The following CPNE4 variants were observed in gnomAD, a reference collection of about 807,000 sequenced individuals.
The protein encoded by CPNE4 is copine 4, also known as copine-4.
CPNE4 carries 25 observed loss-of-function variants against 67.9 expected under a neutral mutation model. That is an observed-to-expected ratio of 0.37 (90% CI 0.27 to 0.51). The LOEUF is 0.51. Among genes scored for constraint, CPNE4 ranks in the 20% least tolerant of loss-of-function variants. CPNE4 has a pLI of 0.93. For synonymous variants in CPNE4, 242 were observed against 244.9 expected (o/e 0.99, Z 0.11); for missense variants, 464 against 690.8 (o/e 0.67, Z 3.68).
intron 11 of CPNE4, among the ~76,000 whole-genome samples, chr3:131,560,638 C>A (rs1936710329): frequency 6.6e-6 from 1 of 152,106 alleles, no homozygotes; most frequent in Admixed American, 6.5e-5. Flanking sequence ...AGATTGTGGG[C>A]TACTTGGGGA....
intron 2 of CPNE4, among the ~76,000 whole-genome samples, chr3:131,855,316 C>T (rs1221246942): frequency 6.6e-6 from 1 of 151,914 alleles, no homozygotes. Context: ...AATCTCTTAT[C>T]ACTGCAGTAG....
At chr3:131,998,335 C>T (rs1334271711) in intron 1 of CPNE4, among the ~76,000 whole-genome samples, 1 of 152,096 alleles carries the variant, frequency 6.6e-6, no homozygotes, top group Non-Finnish European at 1.5e-5. Context: ...CTTCCTTCAA[C>T]CTTACCTCCT....
At position 131,821,173 on chromosome 3, in the gene CPNE4, C is replaced by T. The variant is rs188542336; in HGVS notation, c.180+84091G>A. Among the ~76,000 whole-genome samples the T allele has an allele frequency of 9.3e-4, 142 of 152,274 alleles. 1 individual carries two copies. The highest frequency in any genetic ancestry group is 3.2e-3 in the African/African-American group (135 of 41,542). On this transcript the variant is annotated intron_variant, in intron 2 of 15. Coordinates refer to ENST00000429747, the MANE Select transcript of CPNE4 (RefSeq NM_130808.3). ...TAAGAATTCTCCACTGATAATCCAA[C>T]GTTTTCATTGATAAAGAGTAATGTA...
chr3:131,573,705 C>G (rs1021039738), intron 10 of CPNE4, among the ~76,000 whole-genome samples: 5 of 152,058 alleles, frequency 3.3e-5, no homozygotes, highest in African/African-American at 9.7e-5. Context: ...TGCTTGCTTC[C>G]ATACTTCCAT....
intron 2 of CPNE4, among the ~76,000 whole-genome samples, chr3:131,879,526 T>G (rs9843570): frequency 0.63 from 96,201 of 151,794 alleles, 30,707 homozygotes; most frequent in Admixed American, 0.72. Context: ...TCAGAAACTG[T>G]CCCCCACCCC....
chr3:131,734,366 C>T (rs900658258), intron 2 of CPNE4, among the ~76,000 whole-genome samples: 1 of 152,096 alleles, frequency 6.6e-6, no homozygotes, highest in Non-Finnish European at 1.5e-5. Flanking sequence ...ATAGGAATGG[C>T]AGTGGGTTTC....
chr3:131,918,990 G>A (rs1173793531), intron 1 of CPNE4, among the ~76,000 whole-genome samples: 1 of 152,122 alleles, frequency 6.6e-6, no homozygotes, highest in Non-Finnish European at 1.5e-5. Flanking sequence ...AAGTGAGAAT[G>A]CCCAGGAAAC....
At chr3:131,642,952 C>A (rs2079574667) in intron 7 of CPNE4, among the ~76,000 whole-genome samples, 1 of 152,046 alleles carries the variant, frequency 6.6e-6, no homozygotes, top group Admixed American at 6.6e-5. Context: ...TAAAGATACC[C>A]CAAAATGTGG....
chr3:131,698,013 C>T (rs1364229309), intron 4 of CPNE4, among the ~76,000 whole-genome samples: 1 of 151,524 alleles, frequency 6.6e-6, no homozygotes, highest in East Asian at 1.9e-4. Flanking sequence ...GGGCGGATCA[C>T]GAGGTCAGGA....
intron 2 of CPNE4, among the ~76,000 whole-genome samples, chr3:131,870,438 A>G (rs530228531): frequency 6.6e-6 from 1 of 152,316 alleles, no homozygotes; most frequent in African/African-American, 2.4e-5. Context: ...AAGAGGGCAC[A>G]ATGTGGTCAT....
rs201765443 is a variant in CPNE4, at chr3:131,903,474, C to CA, written c.180+1789dup. On this transcript the variant is annotated intron_variant, in intron 2 of 15. Transcript: ENST00000429747. ...CAATTTGTTTGGATTTTTAAATAAACAAAAAAAACCTAGCTGCGGAATTCA... is the reference window on the plus strand; with the variant it reads ...CAATTTGTTTGGATTTTTAAATAAACAAAAAAAAACCTAGCTGCGGAATTCA... Among the ~76,000 whole-genome samples, 408 of 151,616 alleles carry CA rather than the reference C, an allele frequency of 2.7e-3. 5 individuals carry two copies. The East Asian group carries it at 0.037, about 14-fold the overall frequency.
Position 131,821,596 on chromosome 3 carries a change from T to A in CPNE4, c.180+83668A>T, listed in dbSNP as rs148678038. On this transcript the variant is annotated intron_variant, in intron 2 of 15. Transcript: ENST00000429747. ...AAGGGTGTGGTGTGTTGGTTTCCAC[T>A]GTAGATGAGAGCACATGGAATTTTT... is the stretch of plus-strand genomic sequence containing the variant. Among the ~76,000 whole-genome samples, 246 of 152,318 alleles carry A rather than the reference T, an allele frequency of 1.6e-3. 11 individuals carry two copies. In the East Asian group the frequency reaches 0.046, roughly 28 times the overall value.
chr3:131,734,055 A>T (rs1423356091), intron 2 of CPNE4, among the ~76,000 whole-genome samples: 1 of 151,720 alleles, frequency 6.6e-6, no homozygotes, highest in Admixed American at 6.6e-5. Flanking sequence ...TCGGGTTCCA[A>T]CTCCCTCTCC....
At chr3:131,938,042 T>A (rs1342151678) in intron 1 of CPNE4, among the ~76,000 whole-genome samples, 1 of 152,052 alleles carries the variant, frequency 6.6e-6, no homozygotes, top group Non-Finnish European at 1.5e-5. Context: ...AAGAAAGAGC[T>A]GAATTGTAAA....
At chr3:131,601,185 TG>T (rs1294812215) in intron 7 of CPNE4, among the ~76,000 whole-genome samples, 2 of 151,734 alleles carry the variant, frequency 1.3e-5, no homozygotes, top group African/African-American at 2.4e-5. Flanking sequence ...ACTTTGCCTT[TG>T]GCTACCCAGT....
At chr3:131,824,400 G>A (rs1241662816) in intron 2 of CPNE4, among the ~76,000 whole-genome samples, 1 of 152,184 alleles carries the variant, frequency 6.6e-6, no homozygotes, top group Non-Finnish European at 1.5e-5. Context: ...GGGGACTCGA[G>A]TATATAATCA....
chr3:131,586,720 A>ATCTC (rs1938199979), intron 8 of CPNE4, among the ~76,000 whole-genome samples: 1 of 137,278 alleles, frequency 7.3e-6, no homozygotes, highest in South Asian at 2.2e-4. Context: ...ATGACTTTCT[A>ATCTC]TCTCTATCTG....
chr3:131,585,230 T>A (rs1235079226), intron 8 of CPNE4, among the ~76,000 whole-genome samples: 1 of 152,224 alleles, frequency 6.6e-6, no homozygotes, highest in Non-Finnish European at 1.5e-5. Flanking sequence ...CATTTTAACT[T>A]TTTAAATTTG....
chr3:131,545,842 T>C (rs1935806084), intron 14 of CPNE4, among the ~76,000 whole-genome samples: 1 of 152,170 alleles, frequency 6.6e-6, no homozygotes, highest in South Asian at 2.1e-4. Flanking sequence ...GGTGGGCGGA[T>C]CATGAGGTCA....
Sources: allele counts gnomAD v4.1 joint callset (sites outside exome capture counted in the v4.1 genomes callset), GRCh38; gene constraint gnomAD v4.1.1; transcripts MANE v1.5; gene names NCBI Gene and HGNC (gene_info 2026-07-23, HGNC 2026-07-21).